The following HEMK2 variants were observed in gnomAD, a reference collection of about 807,000 sequenced individuals.
HEMK2 encodes HemK methyltransferase 2, ETF1 glutamine and histone H4 lysine, also known as methyltransferase HEMK2.
the HEMK2 span, among the ~76,000 whole-genome samples, chr21:28,654,611 A>T: frequency 6.6e-6 from 1 of 152,194 alleles, no homozygotes; most frequent in South Asian, 2.1e-4. Context: ...AATAAAACAC[A>T]CATTTTAATG....
chr21:28,821,925 G>C, the HEMK2 span, among the ~76,000 whole-genome samples: 1 of 152,114 alleles, frequency 6.6e-6, no homozygotes, highest in Non-Finnish European at 1.5e-5. Context: ...TATTTTCACT[G>C]TCCACCGCTT....
At chr21:28,611,282 A>C in the HEMK2 span, among the ~76,000 whole-genome samples, 1 of 152,220 alleles carries the variant, frequency 6.6e-6, no homozygotes, top group African/African-American at 2.4e-5. Context: ...GAAATTAAAT[A>C]ACTTGTTCCT....
the HEMK2 span, among the ~76,000 whole-genome samples, chr21:28,861,097 C>T: frequency 1.6e-3 from 247 of 152,296 alleles, no homozygotes; most frequent in African/African-American, 5.6e-3. Context: ...GAAACAGATT[C>T]GTGAAGGCAG....
At chr21:28,800,969 C>T in the HEMK2 span, among the ~76,000 whole-genome samples, 6 of 152,284 alleles carry the variant, frequency 3.9e-5, no homozygotes, top group Admixed American at 3.3e-4. Context: ...GAAGCAGCAT[C>T]GTGAGAACAG....
chr21:28,629,272 G>A, the HEMK2 span, among the ~76,000 whole-genome samples: 3 of 152,198 alleles, frequency 2.0e-5, no homozygotes, highest in African/African-American at 7.2e-5. Context: ...AGGAGGAGGT[G>A]GGTGGCAAAT....
chr21:28,758,040 T>C, the HEMK2 span, among the ~76,000 whole-genome samples: 4 of 152,206 alleles, frequency 2.6e-5, no homozygotes, highest in African/African-American at 4.8e-5. Context: ...TTCTTTTTAC[T>C]TTAGGGGCAG....
At chr21:28,650,738 G>C in the HEMK2 span, among the ~76,000 whole-genome samples, 2 of 152,146 alleles carry the variant, frequency 1.3e-5, no homozygotes, top group African/African-American at 2.4e-5. Context: ...TGAGAAGGAA[G>C]AGGTAAAGAT....
At chr21:28,635,014 C>T in the HEMK2 span, among the ~76,000 whole-genome samples, 3 of 151,636 alleles carry the variant, frequency 2.0e-5, no homozygotes, top group African/African-American at 7.3e-5. Flanking sequence ...TAGTTTATCA[C>T]GCAGGTAAAT....
chr21:28,613,518 T>C, the HEMK2 span, among the ~76,000 whole-genome samples: 1 of 151,544 alleles, frequency 6.6e-6, no homozygotes, highest in Non-Finnish European at 1.5e-5. Context: ...TATAGAGAGA[T>C]TAAATAACTT....
the HEMK2 span, among the ~76,000 whole-genome samples, chr21:28,633,692 T>C: frequency 6.6e-6 from 1 of 152,238 alleles, no homozygotes; most frequent in Non-Finnish European, 1.5e-5. Context: ...GACTTCGAGA[T>C]GACTTAAAGA....
the HEMK2 span, among the ~76,000 whole-genome samples, chr21:28,753,691 G>A: frequency 6.6e-6 from 1 of 152,176 alleles, no homozygotes; most frequent in African/African-American, 2.4e-5. Context: ...GCCATATACA[G>A]TAATGTGAAA....
the HEMK2 span, among the ~76,000 whole-genome samples, chr21:28,838,591 C>T: frequency 6.7e-6 from 1 of 149,758 alleles, no homozygotes; most frequent in African/African-American, 2.4e-5. Context: ...CCTTGATGAA[C>T]ACAGATGCTA....
chr21:28,797,688 C>G, the HEMK2 span, among the ~76,000 whole-genome samples: 2 of 151,860 alleles, frequency 1.3e-5, no homozygotes, highest in African/African-American at 2.4e-5. Context: ...AAAAAAATAA[C>G]TTGGGTGACA....
the HEMK2 span, among the ~76,000 whole-genome samples, chr21:28,856,974 G>C: frequency 6.6e-6 from 1 of 152,154 alleles, no homozygotes; most frequent in African/African-American, 2.4e-5. Flanking sequence ...CTGAAGCCAG[G>C]GAGCCAAGTG....
chr21:28,824,475 T>TA, the HEMK2 span, among the ~76,000 whole-genome samples: 1 of 152,242 alleles, frequency 6.6e-6, no homozygotes, highest in African/African-American at 2.4e-5. Flanking sequence ...AAACAGTTTT[T>TA]ACAGATAGCA....
chr21:28,603,549 ATGTG>A, the HEMK2 span, among the ~76,000 whole-genome samples: 6,121 of 135,758 alleles, frequency 0.045, 193 homozygotes, highest in East Asian at 0.16. Flanking sequence ...GAGGATATAT[ATGTG>A]TGTGTGTGTG....
chr21:28,807,507 C>T, the HEMK2 span, among the ~76,000 whole-genome samples: 2 of 152,168 alleles, frequency 1.3e-5, no homozygotes, highest in South Asian at 4.1e-4. Flanking sequence ...CCATAGGGAC[C>T]TCAGTTCATC....
the HEMK2 span, among the ~76,000 whole-genome samples, chr21:28,645,878 G>A: frequency 6.6e-6 from 1 of 152,132 alleles, no homozygotes; most frequent in Non-Finnish European, 1.5e-5. Flanking sequence ...TCAGAACTGT[G>A]AGCAATAAGT....
the HEMK2 span, among the ~76,000 whole-genome samples, chr21:28,721,942 A>ACACC: frequency 1.3e-4 from 19 of 147,860 alleles, no homozygotes; most frequent in South Asian, 3.8e-3. Flanking sequence ...ACACACATAC[A>ACACC]CCTATTTGAT....
Sources: gnomAD v4.1 joint callset for allele counts (sites outside exome capture counted in the v4.1 genomes callset) on GRCh38, gnomAD v4.1.1 for gene constraint, MANE v1.5 for transcripts, NCBI Gene and HGNC (gene_info 2026-07-23, HGNC 2026-07-21) for gene names.